SAMD5: variants seen among roughly 807,000 people sequenced by gnomAD.
The protein encoded by SAMD5 is sterile alpha motif domain containing 5.
In SAMD5, 13 loss-of-function variants were observed where a neutral mutation model predicts 11.3. That is an observed-to-expected ratio of 1.15 (90% CI 0.75 to 1.83). The LOEUF (loss-of-function observed/expected upper bound fraction) is 1.83. Ranked by LOEUF, SAMD5 falls within the 40% of genes most tolerant of loss-of-function variation. The pLI is 0.00. For synonymous variants in SAMD5, 129 were observed against 111.3 expected (o/e 1.16, Z -1.00); for missense variants, 255 against 239.1 (o/e 1.07, Z -0.44).
chr6:147,608,008 T>C (rs1789727874), intron 1 of SAMD5, among the ~76,000 whole-genome samples: 1 of 152,078 alleles, frequency 6.6e-6, no homozygotes, highest in South Asian at 2.1e-4. Flanking sequence ...AAAGAAGACA[T>C]ACAGATGGCA....
the SAMD5 span, among the ~76,000 whole-genome samples, chr6:147,932,492 T>A: frequency 6.6e-6 from 1 of 152,116 alleles, no homozygotes. Flanking sequence ...GGTAATACTT[T>A]AACTCAAGCA....
chr6:147,568,495 G>A lies in SAMD5; in HGVS notation c.*4039G>A, dbSNP rs1477744497. On this transcript the variant is annotated 3_prime_UTR_variant, in exon 2 of 2. Coordinates refer to ENST00000367474, the MANE Select transcript of SAMD5 (RefSeq NM_001030060.3). The stretch of plus-strand genomic sequence containing the variant: ...TCAAGGCAAATAAGGCATGAAGGGT[G>A]GAACATTGCATCTAGGGAAAATAAG... 1 of 985,206 alleles carries A rather than the reference G, an allele frequency of 1.0e-6. No individual in the cohort carries two copies. The highest frequency in any genetic ancestry group is 1.1e-4 in the East Asian group (1 of 8,826). 61.0% of individuals were successfully genotyped at this position (985,206 alleles called of 1,614,324 possible). A position where few individuals can be genotyped will look rare whatever the true frequency, so the allele number is the denominator to read the frequency against.
At chr6:147,766,928 T>C in the SAMD5 span, among the ~76,000 whole-genome samples, 1 of 152,178 alleles carries the variant, frequency 6.6e-6, no homozygotes, top group Non-Finnish European at 1.5e-5. Flanking sequence ...TGGGAGAAAG[T>C]AAAGTTTGTA....
chr6:147,748,720 T>C, the SAMD5 span, among the ~76,000 whole-genome samples: 1 of 152,204 alleles, frequency 6.6e-6, no homozygotes, highest in Non-Finnish European at 1.5e-5. Flanking sequence ...GATATCATGC[T>C]GTTGTTCATT....
chr6:147,600,261 A>C, intron 1 of SAMD5, among the ~76,000 whole-genome samples: 1 of 150,740 alleles, frequency 6.6e-6, no homozygotes, highest in Non-Finnish European at 1.5e-5. Context: ...GTTCTCCCTG[A>C]CCCCTCGTCT....
the SAMD5 span, among the ~76,000 whole-genome samples, chr6:147,922,924 T>A: frequency 6.6e-6 from 1 of 152,140 alleles, no homozygotes; most frequent in Non-Finnish European, 1.5e-5. Context: ...ATGTGACATC[T>A]TCAAGTGTAA....
the SAMD5 span, among the ~76,000 whole-genome samples, chr6:147,878,508 G>A: frequency 5.6e-4 from 84 of 149,680 alleles, no homozygotes; most frequent in African/African-American, 1.9e-3. Flanking sequence ...TAATGACATA[G>A]TTTATTATTA....
At chr6:147,556,587 T>C (rs548374231) in intron 1 of SAMD5, among the ~76,000 whole-genome samples, 2 of 152,302 alleles carry the variant, frequency 1.3e-5, no homozygotes, top group African/African-American at 4.8e-5. Flanking sequence ...TGTTCTCAAG[T>C]GGAGGTTTCT....
chr6:147,622,605 C>A (rs748538851), intron 1 of SAMD5, among the ~76,000 whole-genome samples: 2 of 152,176 alleles, frequency 1.3e-5, no homozygotes, highest in Non-Finnish European at 1.5e-5. Flanking sequence ...TCCAGCCCAC[C>A]AGGAACTATT....
intron 1 of SAMD5, among the ~76,000 whole-genome samples, chr6:147,626,814 A>AAAAAAAAAAAAAAAT (rs1562337042): frequency 6.9e-6 from 1 of 145,642 alleles, no homozygotes; most frequent in Non-Finnish European, 1.5e-5. Context: ...AAAAAAAAAA[A>AAAAAAAAAAAAAAAT]AAAGAAAGAA....
At chr6:147,859,227 G>A in the SAMD5 span, among the ~76,000 whole-genome samples, 1 of 152,050 alleles carries the variant, frequency 6.6e-6, no homozygotes, top group African/African-American at 2.4e-5. Context: ...AAAAGCATAG[G>A]GGGACGTGAT....
the SAMD5 span, among the ~76,000 whole-genome samples, chr6:147,905,200 T>C: frequency 6.6e-6 from 1 of 151,904 alleles, no homozygotes; most frequent in African/African-American, 2.4e-5. Flanking sequence ...TTTTTTTCTT[T>C]TGAGACAGAG....
chr6:147,914,346 G>GACA, the SAMD5 span, among the ~76,000 whole-genome samples: 1 of 151,930 alleles, frequency 6.6e-6, no homozygotes. Context: ...CAACAACAAC[G>GACA]ACAACAACAA....
intron 1 of SAMD5, among the ~76,000 whole-genome samples, chr6:147,709,874 G>T (rs1434696875): frequency 3.9e-5 from 6 of 152,072 alleles, no homozygotes; most frequent in Non-Finnish European, 8.8e-5. Flanking sequence ...TATCTTAACT[G>T]CTATACCTCC....
chr6:147,868,522 TCA>T, the SAMD5 span, among the ~76,000 whole-genome samples: 3 of 152,146 alleles, frequency 2.0e-5, no homozygotes, highest in Admixed American at 6.6e-5. Context: ...AATTGGCAAC[TCA>T]TGAAATGTTA....
chr6:147,911,611 T>A, the SAMD5 span, among the ~76,000 whole-genome samples: 11 of 152,192 alleles, frequency 7.2e-5, no homozygotes, highest in African/African-American at 1.2e-4. Context: ...TGCCTTTCCC[T>A]TTGACCAAGA....
At chr6:147,812,439 C>CA in the SAMD5 span, among the ~76,000 whole-genome samples, 1 of 151,960 alleles carries the variant, frequency 6.6e-6, no homozygotes, top group African/African-American at 2.4e-5. Context: ...CGGAAGGGCT[C>CA]AGGCACTGTT....
At chr6:147,816,293 A>ATAT in the SAMD5 span, among the ~76,000 whole-genome samples, 16 of 91,578 alleles carry the variant, frequency 1.7e-4, no homozygotes, top group African/African-American at 8.5e-4. Flanking sequence ...AAAAAAAAAA[A>ATAT]AAAAAAAAAT....
At chr6:147,531,671 A>T (rs1010528831) in intron 1 of SAMD5, among the ~76,000 whole-genome samples, 1 of 152,350 alleles carries the variant, frequency 6.6e-6, no homozygotes, top group Non-Finnish European at 1.5e-5. Context: ...GGCTTCCCAT[A>T]TAAGAGCTTG....
Sources: gnomAD v4.1 joint callset for allele counts (sites outside exome capture counted in the v4.1 genomes callset) on GRCh38, gnomAD v4.1.1 for gene constraint, MANE v1.5 for transcripts, NCBI Gene and HGNC (gene_info 2026-07-23, HGNC 2026-07-21) for gene names.